DPH7: variants seen among roughly 807,000 people sequenced by gnomAD.
The protein encoded by DPH7 is diphthamide biosynthesis 7, also known as diphthine methyltransferase.
A neutral mutation model predicts 41.7 loss-of-function variants in DPH7; 44 were observed. The ratio of observed to expected loss-of-function variants is 1.05; its 90% confidence interval spans 0.83 to 1.36. The LOEUF (loss-of-function observed/expected upper bound fraction) is 1.36. DPH7 is among the 40% of genes most tolerant of loss of function. DPH7 has a pLI of 0.00. For missense variants in DPH7, 629 were observed against 577.5 expected (o/e 1.09, Z -0.91); for synonymous variants, 275 against 238.0 (o/e 1.16, Z -1.43).
chr9:137,578,774 T>A lies in DPH7; in HGVS notation c.4A>T (p.Met2Leu). 1.3e-6 allele frequency: 2 copies of A among 1,495,300 alleles called. No homozygotes were observed. The highest frequency in any genetic ancestry group is 8.9e-7 in the Non-Finnish European group (1 of 1,121,654). The allele number at this position is 1,495,300 out of a possible 1,614,324, so 92.6% of individuals were successfully genotyped here. Residue 2 changes from methionine (M) to leucine (L), a missense_variant, in exon 1 of 9, where the codon ATG becomes TTG. Met to Leu is a conservative substitution (Grantham distance 15). Transcript: ENST00000277540. ...ACCGTTTGCAGGGCGAAACAGCCCA[T>A]CATCCAGCCCTCGGGGAAGGGCGCG... Reference protein sequence around the residue: MMGCFALQTVDT... With the variant: MLGCFALQTVDT...
At chr9:137,569,606 G>A (rs906922317) in intron 5 of DPH7, among the ~76,000 whole-genome samples, 1 of 96,492 alleles carries the variant, frequency 1.0e-5, no homozygotes, top group Non-Finnish European at 2.0e-5. Flanking sequence ...AAGCCAGCCA[G>A]CCAGCCACTC....
chr9:137,576,877 G>A (rs904982420), intron 2 of DPH7, among the ~76,000 whole-genome samples: 11 of 150,152 alleles, frequency 7.3e-5, no homozygotes, highest in African/African-American at 2.0e-4. Flanking sequence ...GCGACAGAGC[G>A]AGACTCCGTC....
At chr9:137,575,444 T>G in intron 3 of DPH7, 1 of 988,742 alleles carries the variant, frequency 1.0e-6, no homozygotes, top group Non-Finnish European at 1.2e-6. Flanking sequence ...ACAGCTTTCC[T>G]GTGGCTGCTC....
intron 2 of DPH7, chr9:137,576,370 GC>G (rs773888996): frequency 4.6e-5 from 26 of 559,880 alleles, no homozygotes; most frequent in Non-Finnish European, 7.4e-5. Context: ...GTTACTGCAG[GC>G]AAGTGTGACA....
At chr9:137,562,966 CA>C (rs928213098) in intron 8 of DPH7, among the ~76,000 whole-genome samples, 10 of 142,132 alleles carry the variant, frequency 7.0e-5, no homozygotes, top group Non-Finnish European at 1.1e-4. Context: ...GACTCCATCT[CA>C]AAAAAAAAAG....
chr9:137,558,857 C>T (rs144482823), intron 8 of DPH7, among the ~76,000 whole-genome samples: 1,923 of 152,246 alleles, frequency 0.013, 37 homozygotes, highest in African/African-American at 0.044. Flanking sequence ...GACTCAGCCT[C>T]CCAAGTAGCT....
At chr9:137,564,233 G>C (rs1267092670) in intron 8 of DPH7, among the ~76,000 whole-genome samples, 1 of 152,230 alleles carries the variant, frequency 6.6e-6, no homozygotes. Context: ...GGAAAACTGT[G>C]GTTAGAGAGC....
At chr9:137,578,524 G>A (rs1841844347) in intron 1 of DPH7, 101 bp downstream of exon 1, 1 of 1,277,332 alleles carries the variant, frequency 7.8e-7, no homozygotes, top group Middle Eastern at 2.8e-4. Context: ...TGGCCAAAGG[G>A]CCAATATCCC....
chr9:137,564,813 A>T (rs887523771), intron 7 of DPH7, 80 bp downstream of exon 7: 26 of 1,509,178 alleles, frequency 1.7e-5, no homozygotes, highest in Non-Finnish European at 2.3e-5. Flanking sequence ...AAAGGCAGCG[A>T]AAGAGGGAAG....
intron 2 of DPH7, among the ~76,000 whole-genome samples, chr9:137,576,650 G>C (rs1056749309): frequency 1.3e-5 from 2 of 152,196 alleles, no homozygotes; most frequent in Admixed American, 1.3e-4. Flanking sequence ...CAGCACGTTG[G>C]GAGGCTGAGG....
intron 8 of DPH7, among the ~76,000 whole-genome samples, chr9:137,561,152 C>G (rs1340891064): frequency 6.6e-6 from 1 of 151,984 alleles, no homozygotes; most frequent in East Asian, 1.9e-4. Context: ...TTCAAAGATT[C>G]TCACCACAGA....
Position 137,555,180 on chromosome 9 carries a change from C to T in DPH7, c.*59G>A. On this transcript the variant is annotated 3_prime_UTR_variant, in exon 9 of 9. Transcript: ENST00000277540. ...GCATCTCTGATGAGGTGGTCCCGGG[C>T]ACTCACTCGCAGTCTCCCTCCTGGT... The T allele has an allele frequency of 1.3e-6, 2 of 1,532,098 alleles. No homozygotes were observed. Among genetic ancestry groups the T allele is most frequent in the African/African-American group, 1.4e-5 (1 of 72,750 alleles). 94.9% of individuals were successfully genotyped at this position (1,532,098 alleles called of 1,614,324 possible).
chr9:137,559,632 G>A (rs1390641005), intron 8 of DPH7, among the ~76,000 whole-genome samples: 1 of 152,222 alleles, frequency 6.6e-6, no homozygotes, highest in Non-Finnish European at 1.5e-5. Flanking sequence ...AGTACTAAAA[G>A]TCTCTGGTAT....
intron 4 of DPH7, 51 bp downstream of exon 4, chr9:137,574,701 A>G: frequency 6.4e-7 from 1 of 1,567,856 alleles, no homozygotes; most frequent in Non-Finnish European, 8.8e-7. Flanking sequence ...TGAAAAGTGG[A>G]AGTGGTTCTC....
At chr9:137,578,588 G>A (rs1564478518) in intron 1 of DPH7, 37 bp downstream of exon 1, 4 of 1,436,778 alleles carry the variant, frequency 2.8e-6, no homozygotes, top group East Asian at 2.9e-5. Flanking sequence ...CTCGTGGCCG[G>A]CCCCGCCCTC....
Position 137,556,989 on chromosome 9 carries a change from C to G in DPH7, c.950-1341G>C. ...TTTTTATTTTCAAGACAGGACCTCA[C>G]TCTGTCGCATAGGCTGGAGTGCACT... On this transcript the variant is annotated intron_variant, in intron 8 of 8. Coordinates refer to ENST00000277540, the MANE Select transcript of DPH7 (RefSeq NM_138778.5). The surrounding 1 kb of genome is among the most constrained non-coding windows in gnomAD (Gnocchi z 5.2). The G allele has an allele frequency of 2.3e-6, 1 of 442,134 alleles. No individual in the cohort carries two copies. The allele number at this position is 442,134 out of a possible 1,614,324, so 27.4% of individuals were successfully genotyped here. A position where few individuals can be genotyped will look rare whatever the true frequency, so the allele number is the denominator to read the frequency against.
intron 4 of DPH7, 116 bp downstream of exon 4, chr9:137,574,636 T>C (rs1841067229): frequency 9.7e-7 from 1 of 1,025,858 alleles, no homozygotes; most frequent in African/African-American, 1.6e-5. Context: ...AGTGATGATG[T>C]CAGGGCTGAG....
intron 1 of DPH7, chr9:137,578,009 A>G (rs1265412601): frequency 1.0e-6 from 1 of 985,166 alleles, no homozygotes; most frequent in Non-Finnish European, 1.2e-6. Flanking sequence ...TATATAGAAG[A>G]CGTTCTGCTC....
Position 137,554,902 on chromosome 9 carries a change from T to C in DPH7, c.*337A>G. The C allele has an allele frequency of 4.2e-6, 1 of 237,822 alleles. No homozygotes were observed. The highest frequency in any genetic ancestry group is 8.0e-6 in the Non-Finnish European group (1 of 124,534). The allele number at this position is 237,822 out of a possible 1,614,324, so 14.7% of individuals were successfully genotyped here. ...TCATTTTAAACATGTTATAAACTCGTGTTTTTCAAAAAACTTCATTTAATA... is the reference window on the plus strand; with the variant it reads ...TCATTTTAAACATGTTATAAACTCGCGTTTTTCAAAAAACTTCATTTAATA... On this transcript the variant is annotated 3_prime_UTR_variant, in exon 9 of 9. Coordinates refer to ENST00000277540, the MANE Select transcript of DPH7 (RefSeq NM_138778.5).
Sources: allele counts gnomAD v4.1 joint callset (sites outside exome capture counted in the v4.1 genomes callset), GRCh38; gene constraint gnomAD v4.1.1; non-coding constraint Gnocchi (gnomAD v3.1); transcripts MANE v1.5; gene names NCBI Gene and HGNC (gene_info 2026-07-23, HGNC 2026-07-21).